LY96: variants seen among roughly 807,000 people sequenced by gnomAD.
The protein encoded by LY96 is myeloid differentiation protein-2.
LY96 carries 18 observed loss-of-function variants against 18.9 expected under a neutral mutation model. The observed-to-expected ratio is 0.95, with a 90% CI of 0.66 to 1.41. LY96 has a LOEUF of 1.41. LY96 is among the 40% of genes most tolerant of loss of function. The pLI is 0.00. For missense variants in LY96, 175 were observed against 182.4 expected, an observed-to-expected ratio of 0.96 and a Z score of 0.23; for synonymous variants, 66 against 62.6, an observed-to-expected ratio of 1.06 and a Z score of -0.26.
chr8:74,048,197 C>G, the LY96 span, among the ~76,000 whole-genome samples: 3 of 152,202 alleles, frequency 2.0e-5, no homozygotes, highest in Non-Finnish European at 4.4e-5. Context: ...CTGGCATCAG[C>G]TCCCACCATT....
the LY96 span, among the ~76,000 whole-genome samples, chr8:74,041,116 A>T: frequency 1.3e-5 from 2 of 152,186 alleles, no homozygotes; most frequent in African/African-American, 4.8e-5. Flanking sequence ...ATATGGACAT[A>T]TATCAGTTCC....
chr8:74,070,719 C>T, the LY96 span, among the ~76,000 whole-genome samples: 1 of 151,642 alleles, frequency 6.6e-6, no homozygotes, highest in Non-Finnish European at 1.5e-5. Flanking sequence ...ATCAGTTCTC[C>T]AATGAGCCTT....
At chr8:74,023,145 C>T (rs1038421466) in intron 3 of LY96, among the ~76,000 whole-genome samples, 8 of 152,242 alleles carry the variant, frequency 5.3e-5, no homozygotes, top group East Asian at 1.9e-4. Context: ...TCTTGGTTCC[C>T]GCTGCCCACT....
downstream of LY96, among the ~76,000 whole-genome samples, chr8:74,031,993 C>T (rs191879151): frequency 6.2e-4 from 94 of 152,082 alleles, no homozygotes; most frequent in Middle Eastern, 3.4e-3. Flanking sequence ...GTAGTGGTGG[C>T]GCACACCTGT....
the LY96 span, among the ~76,000 whole-genome samples, chr8:74,076,758 A>G: frequency 6.6e-6 from 1 of 152,142 alleles, no homozygotes; most frequent in Non-Finnish European, 1.5e-5. Flanking sequence ...TTCTGACACT[A>G]CATGTGTGGG....
the LY96 span, among the ~76,000 whole-genome samples, chr8:74,065,218 G>T: frequency 6.6e-6 from 1 of 152,202 alleles, no homozygotes; most frequent in African/African-American, 2.4e-5. Context: ...ATCTTTGCCT[G>T]TAAATTCTGT....
In LY96 at chr8:73,996,372, CCTTTCTTTCTTTCTTT is replaced by C. The variant is rs541600290; in HGVS notation, c.112+4871_112+4886del. On this transcript the variant is annotated intron_variant, in intron 1 of 4. Coordinates refer to ENST00000284818, the MANE Select transcript of LY96 (RefSeq NM_015364.5). Reference sequence around the variant, plus strand: ...TCCTTCCTTCCTTCCTTCCTTCATTCCTTTCTTTCTTTCTTTCTTTCTTTCTTTCTTTCTTTCTTTC... The same window carrying C: ...TCCTTCCTTCCTTCCTTCCTTCATTCCTTTCTTTCTTTCTTTCTTTCTTTC... 1.7e-3 allele frequency among the ~76,000 whole-genome samples: 190 copies of C among 111,002 alleles called. 3 individuals are homozygous for C. Among genetic ancestry groups the C allele is most frequent in the African/African-American group, 5.4e-3 (154 of 28,542 alleles). The allele number at this position is 111,002 out of a possible 152,430, so 72.8% of individuals were successfully genotyped here.
At chr8:74,046,193 C>T in the LY96 span, among the ~76,000 whole-genome samples, 1 of 152,246 alleles carries the variant, frequency 6.6e-6, no homozygotes, top group African/African-American at 2.4e-5. Flanking sequence ...GCACAAGAAT[C>T]ACTTAAACCC....
chr8:74,087,673 C>T, the LY96 span, among the ~76,000 whole-genome samples: 1 of 152,204 alleles, frequency 6.6e-6, no homozygotes, highest in Non-Finnish European at 1.5e-5. Flanking sequence ...TTCTATTTCA[C>T]AGAGGTGTGA....
the LY96 span, among the ~76,000 whole-genome samples, chr8:74,042,463 G>A: frequency 6.6e-6 from 1 of 152,090 alleles, no homozygotes; most frequent in South Asian, 2.1e-4. Flanking sequence ...GGAGGTTGCA[G>A]TGAGCAACCG....
intron 1 of LY96, among the ~76,000 whole-genome samples, chr8:74,002,064 TTC>T (rs1816297954): frequency 2.6e-5 from 1 of 37,904 alleles, no homozygotes. Context: ...CCTTCCTTCC[TTC>T]CTTCCTTCCT....
chr8:74,035,499 C>T, the LY96 span, among the ~76,000 whole-genome samples: 1 of 152,112 alleles, frequency 6.6e-6, no homozygotes, highest in Non-Finnish European at 1.5e-5. Context: ...CTAAAGCCCC[C>T]CTCCAACCAT....
At chr8:74,074,305 A>G in the LY96 span, among the ~76,000 whole-genome samples, 1 of 152,230 alleles carries the variant, frequency 6.6e-6, no homozygotes, top group Non-Finnish European at 1.5e-5. Context: ...CAGCATGACC[A>G]TAGTTTTAAA....
intron 1 of LY96, among the ~76,000 whole-genome samples, chr8:74,000,422 A>T (rs1193283584): frequency 6.6e-6 from 1 of 152,182 alleles, no homozygotes; most frequent in African/African-American, 2.4e-5. Flanking sequence ...CTGAGGCCTC[A>T]TCAGAATTGC....
intron 3 of LY96, among the ~76,000 whole-genome samples, chr8:74,016,426 G>C (rs988780188): frequency 1.3e-5 from 2 of 152,236 alleles, no homozygotes; most frequent in Admixed American, 1.3e-4. Flanking sequence ...CTCCACCTCT[G>C]GGGGCAGGGT....
the LY96 span, among the ~76,000 whole-genome samples, chr8:74,040,733 C>T: frequency 7.7e-6 from 1 of 129,558 alleles, no homozygotes; most frequent in Non-Finnish European, 1.6e-5. Flanking sequence ...GATGCAATCT[C>T]ACTCTGTCGC....
the LY96 span, among the ~76,000 whole-genome samples, chr8:74,075,335 A>G: frequency 6.6e-6 from 1 of 152,228 alleles, no homozygotes; most frequent in Non-Finnish European, 1.5e-5. Context: ...CAGTGGCACA[A>G]TCATAGCTCA....
At chr8:74,031,503 GT>G (rs1388499221), downstream of LY96, among the ~76,000 whole-genome samples, 66 of 151,946 alleles carry the variant, frequency 4.3e-4, no homozygotes, top group African/African-American at 1.6e-3. Flanking sequence ...GCGGGCACCT[GT>G]AGTCCCAGCT....
At chr8:73,994,087 C>A (rs147705688) in intron 1 of LY96, among the ~76,000 whole-genome samples, 1 of 151,728 alleles carries the variant, frequency 6.6e-6, no homozygotes, top group South Asian at 2.1e-4. Flanking sequence ...TGGGTTCAAG[C>A]GATTCTTTTG....
Sources: allele counts gnomAD v4.1 joint callset (sites outside exome capture counted in the v4.1 genomes callset), GRCh38; gene constraint gnomAD v4.1.1; transcripts MANE v1.5; gene names NCBI Gene and HGNC (gene_info 2026-07-23, HGNC 2026-07-21).